Variants in RARB observed in about 807,000 individuals in gnomAD.
RARB encodes the protein retinoic acid receptor beta, also known as HBV-activated protein.
In RARB, 17 loss-of-function variants were observed where a neutral mutation model predicts 51.9. The observed-to-expected ratio is 0.33, with a 90% CI of 0.22 to 0.49. The LOEUF is 0.49. RARB is among the 20% of genes least tolerant of loss of function. The pLI, the probability that RARB is intolerant of heterozygous loss-of-function variation, is 0.99. For synonymous variants in RARB, 215 were observed against 195.4 expected (o/e 1.10, Z -0.84); for missense variants, 369 against 550.8 (o/e 0.67, Z 3.30).
chr3:25,551,815 C>G (rs1313396263), intron 3 of RARB, among the ~76,000 whole-genome samples: 2 of 152,174 alleles, frequency 1.3e-5, no homozygotes, highest in Non-Finnish European at 2.9e-5. Context: ...GCAGATGTCT[C>G]AAGTTGAGTG....
intron 2 of RARB, among the ~76,000 whole-genome samples, chr3:24,894,504 C>T (rs1366625495): frequency 6.6e-6 from 1 of 152,002 alleles, no homozygotes; most frequent in African/African-American, 2.4e-5. Context: ...TTTTCTTTAT[C>T]TAGTCCACTG....
In RARB at chr3:24,850,213, C is replaced by T. The variant is rs149999723; in HGVS notation, c.-458-8461C>T. ...GCCTTCACTTCCCAACACAGTTGCA[C>T]TGGGGGTTAAGTTTCCACCACATGA... On this transcript the variant is annotated intron_variant, in intron 1 of 11. Transcript: ENST00000383772. Among the ~76,000 whole-genome samples, 450 of 152,246 alleles carry T rather than the reference C, an allele frequency of 3.0e-3. 3 individuals are homozygous for T. The highest frequency in any genetic ancestry group is 5.0e-3 in the Non-Finnish European group (343 of 68,010).
At chr3:25,086,767 A>C (rs1344446063) in intron 3 of RARB, among the ~76,000 whole-genome samples, 1 of 152,116 alleles carries the variant, frequency 6.6e-6, no homozygotes, top group East Asian at 1.9e-4. Context: ...GTTGGTTGAA[A>C]GAGTTTATCT....
intron 5 of RARB, among the ~76,000 whole-genome samples, chr3:25,405,735 C>T (rs148286168): frequency 3.0e-4 from 45 of 152,316 alleles, no homozygotes; most frequent in African/African-American, 1.1e-3. Flanking sequence ...GCTAATGATG[C>T]ATTATTATAG....
At chr3:25,448,454 C>A (rs1367233427) in intron 1 of RARB, among the ~76,000 whole-genome samples, 1 of 151,984 alleles carries the variant, frequency 6.6e-6, no homozygotes, top group Non-Finnish European at 1.5e-5. Context: ...TATATAGAAA[C>A]TTGAGAATCT....
chr3:25,572,846 T>G (rs189683478), intron 4 of RARB, among the ~76,000 whole-genome samples: 86 of 152,122 alleles, frequency 5.7e-4, no homozygotes, highest in Non-Finnish European at 1.5e-4. Context: ...CATAGCCAAG[T>G]CAATCCCCAG....
At chr3:25,363,854 G>C (rs1283879905) in intron 5 of RARB, among the ~76,000 whole-genome samples, 1 of 152,130 alleles carries the variant, frequency 6.6e-6, no homozygotes, top group African/African-American at 2.4e-5. Context: ...CTTGGCTCCA[G>C]CCACATTGGC....
At chr3:25,381,917 C>T (rs1023852739) in intron 5 of RARB, among the ~76,000 whole-genome samples, 1 of 152,152 alleles carries the variant, frequency 6.6e-6, no homozygotes, top group Admixed American at 6.5e-5. Flanking sequence ...TCTCAAGCTG[C>T]ATTCAGAATA....
chr3:24,965,506 G>C (rs1696236155), intron 2 of RARB, among the ~76,000 whole-genome samples: 2 of 152,078 alleles, frequency 1.3e-5, no homozygotes, highest in Non-Finnish European at 2.9e-5. Context: ...ATCATGGAGA[G>C]GTGATATTTT....
intron 5 of RARB, among the ~76,000 whole-genome samples, chr3:25,385,923 A>T (rs1706781288): frequency 6.6e-6 from 1 of 152,208 alleles, no homozygotes; most frequent in Non-Finnish European, 1.5e-5. Context: ...GCCCTAATGC[A>T]GAATCCAGAG....
intron 1 of RARB, among the ~76,000 whole-genome samples, chr3:24,856,147 C>G (rs1702631841): frequency 6.6e-6 from 1 of 152,068 alleles, no homozygotes; most frequent in Non-Finnish European, 1.5e-5. Context: ...ACCATGATCC[C>G]TTTAAAATTA....
At chr3:25,349,661 A>C in intron 5 of RARB, among the ~76,000 whole-genome samples, 1 of 152,238 alleles carries the variant, frequency 6.6e-6, no homozygotes. Context: ...AATTCTAAAC[A>C]AACAAAAAAA....
At chr3:25,587,243 G>A (rs1242461753) in intron 5 of RARB, among the ~76,000 whole-genome samples, 1 of 152,220 alleles carries the variant, frequency 6.6e-6, no homozygotes, top group Admixed American at 6.5e-5. Context: ...AGCCTAGGCT[G>A]CCTTTATGAA....
At chr3:25,433,647 A>C (rs1157307277) in intron 1 of RARB, among the ~76,000 whole-genome samples, 3 of 152,142 alleles carry the variant, frequency 2.0e-5, no homozygotes, top group Non-Finnish European at 4.4e-5. Flanking sequence ...CAGGTTTCAG[A>C]TTTATCAGTA....
At chr3:25,056,297 G>C (rs1279441876) in intron 2 of RARB, among the ~76,000 whole-genome samples, 1 of 152,100 alleles carries the variant, frequency 6.6e-6, no homozygotes, top group Admixed American at 6.6e-5. Flanking sequence ...TAGCACATCA[G>C]GGGAGGGAAA....
At chr3:25,069,849 T>A (rs1698733680) in intron 3 of RARB, among the ~76,000 whole-genome samples, 1 of 152,186 alleles carries the variant, frequency 6.6e-6, no homozygotes, top group African/African-American at 2.4e-5. Flanking sequence ...GTGGCCTCCA[T>A]TAGGGGAGCC....
intron 2 of RARB, among the ~76,000 whole-genome samples, chr3:24,985,272 A>G (rs940141644): frequency 7.9e-5 from 12 of 152,142 alleles, no homozygotes; most frequent in African/African-American, 2.6e-4. Flanking sequence ...GCACGCCAAC[A>G]TCTTGAGACC....
chr3:25,033,570 G>C (rs979777226), intron 2 of RARB, among the ~76,000 whole-genome samples: 16 of 152,266 alleles, frequency 1.1e-4, no homozygotes, highest in Middle Eastern at 3.4e-3. Context: ...TCTGCCAGGA[G>C]ACATGCCGAT....
At chr3:25,316,827 G>C (rs1316272844) in intron 5 of RARB, among the ~76,000 whole-genome samples, 1 of 152,128 alleles carries the variant, frequency 6.6e-6, no homozygotes, top group Non-Finnish European at 1.5e-5. Context: ...TGGAACCGAT[G>C]ACTATAAAGG....
Sources: allele counts gnomAD v4.1 joint callset (sites outside exome capture counted in the v4.1 genomes callset), GRCh38; gene constraint gnomAD v4.1.1; transcripts MANE v1.5; gene names NCBI Gene and HGNC (gene_info 2026-07-23, HGNC 2026-07-21).